The following SNTG1 variants were observed in gnomAD, a reference collection of about 807,000 sequenced individuals.
The protein encoded by SNTG1 is gamma-1-syntrophin.
In SNTG1, 39 loss-of-function variants were observed where a neutral mutation model predicts 74.7. The ratio of observed to expected loss-of-function variants is 0.52; its 90% CI spans 0.40 to 0.68. SNTG1 has a LOEUF of 0.68. Among genes scored for constraint, SNTG1 ranks in the 30% least tolerant of loss-of-function variants. The pLI is 0.00. For missense variants in SNTG1, 685 were observed against 609.5 expected (o/e 1.12, Z -1.30); for synonymous variants, 254 against 217.1 (o/e 1.17, Z -1.49).
chr8:50,620,514 C>T lies in SNTG1; in HGVS notation c.849+29597C>T, dbSNP rs2094915261. Among the ~76,000 whole-genome samples, 4 of 152,136 alleles carry T rather than the reference C, an allele frequency of 2.6e-5. No homozygotes were observed. In the South Asian group the frequency reaches 8.3e-4, roughly 32 times the overall value. On this transcript the variant is annotated intron_variant, in intron 13 of 18. Transcript: ENST00000642720. ...ATGTGTCAGGCGTACTATTCTATTG[C>T]TGTGATGTAGGAGTGAAGAGCACAT...
intron 13 of SNTG1, among the ~76,000 whole-genome samples, chr8:50,610,516 G>C (rs1448826551): frequency 6.6e-6 from 1 of 152,102 alleles, no homozygotes; most frequent in Non-Finnish European, 1.5e-5. Context: ...TGTTAAATTT[G>C]TCAGTGTCTG....
intron 1 of SNTG1, among the ~76,000 whole-genome samples, chr8:50,146,336 G>T (rs944628071): frequency 6.6e-6 from 1 of 152,066 alleles, no homozygotes; most frequent in Non-Finnish European, 1.5e-5. Context: ...TGACTAACAT[G>T]GTGAAACCCC....
At chr8:50,510,287 C>A (rs1192814707) in intron 9 of SNTG1, among the ~76,000 whole-genome samples, 1 of 152,084 alleles carries the variant, frequency 6.6e-6, no homozygotes, top group African/African-American at 2.4e-5. Flanking sequence ...GTTGGATAAG[C>A]TTTTTGATGT....
At chr8:50,741,163 C>T (rs1345822113) in intron 17 of SNTG1, among the ~76,000 whole-genome samples, 2 of 151,992 alleles carry the variant, frequency 1.3e-5, no homozygotes, top group African/African-American at 4.8e-5. Context: ...CTTGCTCTGT[C>T]ACCTAAGCTG....
At chr8:50,592,538 T>C (rs2094698547) in intron 13 of SNTG1, among the ~76,000 whole-genome samples, 1 of 152,170 alleles carries the variant, frequency 6.6e-6, no homozygotes, top group South Asian at 2.1e-4. Flanking sequence ...TATACCCAGG[T>C]TTAGAATAGT....
At chr8:50,110,712 G>T (rs1428838214) in intron 1 of SNTG1, among the ~76,000 whole-genome samples, 1 of 151,908 alleles carries the variant, frequency 6.6e-6, no homozygotes, top group Non-Finnish European at 1.5e-5. Context: ...ACATTTTCTG[G>T]TCACACTGTC....
chr8:50,203,782 G>C (rs1415697266), intron 2 of SNTG1, among the ~76,000 whole-genome samples: 2 of 144,384 alleles, frequency 1.4e-5, no homozygotes, highest in Non-Finnish European at 3.0e-5. Flanking sequence ...GTGTGTTTCT[G>C]TGTGTGTGTG....
intron 12 of SNTG1, among the ~76,000 whole-genome samples, chr8:50,560,615 G>A (rs2094481842): frequency 6.6e-6 from 1 of 152,136 alleles, no homozygotes; most frequent in African/African-American, 2.4e-5. Context: ...AACTAACACA[G>A]GAACAGAAAA....
chr8:50,460,673 G>C (rs907570751), intron 8 of SNTG1, among the ~76,000 whole-genome samples: 1 of 152,110 alleles, frequency 6.6e-6, no homozygotes, highest in African/African-American at 2.4e-5. Flanking sequence ...ATAGTGAAAG[G>C]TAGGGGTCCA....
intron 2 of SNTG1, among the ~76,000 whole-genome samples, chr8:50,393,816 A>G (rs2092693070): frequency 1.3e-5 from 2 of 152,154 alleles, no homozygotes; most frequent in African/African-American, 2.4e-5. Flanking sequence ...TGAGGTAACC[A>G]TATGAAAGGC....
At chr8:50,311,325 G>T (rs1350978885) in intron 2 of SNTG1, among the ~76,000 whole-genome samples, 1 of 152,124 alleles carries the variant, frequency 6.6e-6, no homozygotes, top group African/African-American at 2.4e-5. Flanking sequence ...CTTTAGGAAA[G>T]GTTATGTTCC....
intron 15 of SNTG1, among the ~76,000 whole-genome samples, chr8:50,660,657 T>C (rs998766695): frequency 1.3e-5 from 2 of 152,206 alleles, no homozygotes; most frequent in African/African-American, 4.8e-5. Flanking sequence ...CTTAAATTAT[T>C]TTCTAACCAC....
chr8:50,726,251 T>C (rs2095499810), intron 17 of SNTG1, among the ~76,000 whole-genome samples: 1 of 152,202 alleles, frequency 6.6e-6, no homozygotes, highest in African/African-American at 2.4e-5. Context: ...TAAAAATTAA[T>C]AAATAAAATA....
At chr8:50,716,304 CT>C (rs2095474894) in intron 17 of SNTG1, among the ~76,000 whole-genome samples, 1 of 152,028 alleles carries the variant, frequency 6.6e-6, no homozygotes, top group African/African-American at 2.4e-5. Flanking sequence ...AAAATGAATT[CT>C]TTCTTGAAAT....
At chr8:50,419,043 C>T (rs2093049027) in intron 4 of SNTG1, among the ~76,000 whole-genome samples, 1 of 151,920 alleles carries the variant, frequency 6.6e-6, no homozygotes, top group African/African-American at 2.4e-5. Context: ...CTGAAAGGAA[C>T]AGGGAGAAAG....
intron 1 of SNTG1, among the ~76,000 whole-genome samples, chr8:50,139,359 T>C (rs2081583510): frequency 6.6e-6 from 1 of 152,232 alleles, no homozygotes; most frequent in Admixed American, 6.5e-5. Flanking sequence ...GCATAATTTC[T>C]AAATATGACT....
At chr8:50,515,871 C>T (rs973370394) in intron 9 of SNTG1, among the ~76,000 whole-genome samples, 1 of 152,014 alleles carries the variant, frequency 6.6e-6, no homozygotes, top group Non-Finnish European at 1.5e-5. Flanking sequence ...CGGCTGTGGG[C>T]ACGGCTTCAG....
intron 3 of SNTG1, among the ~76,000 whole-genome samples, chr8:50,397,547 A>T (rs1445093499): frequency 6.6e-6 from 1 of 152,170 alleles, no homozygotes; most frequent in African/African-American, 2.4e-5. Context: ...TTTGGGGAAG[A>T]TCATCCTGTA....
intron 18 of SNTG1, among the ~76,000 whole-genome samples, chr8:50,757,584 T>C (rs999728435): frequency 1.3e-5 from 2 of 151,904 alleles, no homozygotes; most frequent in Non-Finnish European, 2.9e-5. Flanking sequence ...AGTGGATTTC[T>C]TGCAGATAAC....
Sources: allele counts gnomAD v4.1 joint callset (sites outside exome capture counted in the v4.1 genomes callset), GRCh38; gene constraint gnomAD v4.1.1; transcripts MANE v1.5; gene names NCBI Gene and HGNC (gene_info 2026-07-23, HGNC 2026-07-21).